The following GPATCH1 variants were observed in gnomAD, a reference collection of about 807,000 sequenced individuals.
The protein encoded by GPATCH1 is G-patch domain containing 1.
GPATCH1 carries 73 observed loss-of-function variants against 114.9 expected under a neutral mutation model. The ratio of observed to expected loss-of-function variants is 0.64; its 90% CI spans 0.53 to 0.77. The LOEUF (loss-of-function observed/expected upper bound fraction) is 0.77, where lower values mean the gene tolerates loss of function less well. Ranked by LOEUF, GPATCH1 falls within the 30% of genes least tolerant of loss-of-function variation. The pLI is 0.00. For missense variants in GPATCH1, 1,058 were observed against 1,144.3 expected, an observed-to-expected ratio of 0.92 and a Z score of 1.09; for synonymous variants, 391 against 428.4, an observed-to-expected ratio of 0.91 and a Z score of 1.08.
rs200567807 is a variant in GPATCH1, at chr19:33,110,993, A to ATT, written c.1586-730_1586-729dup. On this transcript the variant is annotated intron_variant, in intron 11 of 19. Coordinates refer to ENST00000170564, the MANE Select transcript of GPATCH1 (RefSeq NM_018025.3). ...AGATATATATGTATATATAAAATAT[A>ATT]TTATATATATATATACACACATCAT... is the stretch of plus-strand genomic sequence containing the variant. Among the ~76,000 whole-genome samples, 678 of 148,394 alleles carry ATT rather than the reference A, an allele frequency of 4.6e-3. 7 individuals carry two copies. Among genetic ancestry groups the ATT allele is most frequent in the African/African-American group, 0.016 (656 of 40,858 alleles).
At chr19:33,121,248 T>C (rs920119825) in intron 17 of GPATCH1, among the ~76,000 whole-genome samples, 1 of 151,510 alleles carries the variant, frequency 6.6e-6, no homozygotes, top group Non-Finnish European at 1.5e-5. Context: ...CCCACAGTGC[T>C]GGAATTACAA....
chr19:33,095,487 C>T (rs528799971), intron 5 of GPATCH1, among the ~76,000 whole-genome samples: 7 of 152,018 alleles, frequency 4.6e-5, no homozygotes, highest in African/African-American at 1.7e-4. Flanking sequence ...TGGTCTCCAA[C>T]TCCCGACCTT....
intron 1 of GPATCH1, 54 bp from the exon 2 acceptor site, chr19:33,088,080 C>A: frequency 9.4e-7 from 1 of 1,060,800 alleles, no homozygotes; most frequent in Non-Finnish European, 1.3e-6. Context: ...TAAATTTGAA[C>A]CGACCATCTC....
At chr19:33,124,626 C>G (rs1441208993) in intron 17 of GPATCH1, among the ~76,000 whole-genome samples, 1 of 152,154 alleles carries the variant, frequency 6.6e-6, no homozygotes, top group Non-Finnish European at 1.5e-5. Context: ...ATGGCCCTGT[C>G]TAGTCTAGTC....
chr19:33,101,449 C>T, intron 8 of GPATCH1, 46 bp from the exon 9 acceptor site: 1 of 1,042,602 alleles, frequency 9.6e-7, no homozygotes, highest in Middle Eastern at 2.0e-4. Context: ...CTGTCTTATT[C>T]TAATCATCTC....
chr19:33,127,246 C>T (rs979821912), intron 19 of GPATCH1, among the ~76,000 whole-genome samples: 29 of 151,992 alleles, frequency 1.9e-4, no homozygotes, highest in Admixed American at 1.4e-3. Flanking sequence ...AGGCCAGGCG[C>T]GGTGGCTCAT....
Position 33,088,947 on chromosome 19 carries a change from G to A in GPATCH1, c.208+679G>A, listed in dbSNP as rs1599850356. ...GCTGGGATTACAGGTGTGAGCCACT[G>A]CGCTCAGCTTTCTCTGAACATACAC... is the stretch of plus-strand genomic sequence containing the variant. On this transcript the variant is annotated intron_variant, in intron 2 of 19. Coordinates refer to ENST00000170564, the MANE Select transcript of GPATCH1 (RefSeq NM_018025.3). Among the ~76,000 whole-genome samples, 3 of 152,132 alleles carry A rather than the reference G, an allele frequency of 2.0e-5. No individual in the cohort carries two copies. The East Asian group carries it at 5.8e-4, about 29-fold the overall frequency.
At chr19:33,097,367 T>G (rs1453656517) in intron 7 of GPATCH1, among the ~76,000 whole-genome samples, 1 of 152,232 alleles carries the variant, frequency 6.6e-6, no homozygotes, top group Non-Finnish European at 1.5e-5. Flanking sequence ...CAGCGGCCCT[T>G]AGACCCCAGC....
intron 19 of GPATCH1, among the ~76,000 whole-genome samples, chr19:33,129,315 G>A (rs1277664848): frequency 6.6e-6 from 1 of 151,768 alleles, no homozygotes; most frequent in South Asian, 2.1e-4. Context: ...GCTCATGCCT[G>A]TAATCCCAAT....
intron 12 of GPATCH1, among the ~76,000 whole-genome samples, chr19:33,112,273 A>G (rs1199916412): frequency 2.0e-5 from 3 of 152,082 alleles, no homozygotes; most frequent in African/African-American, 4.8e-5. Context: ...GCCGAGCCAA[A>G]TATTTTTAAT....
At chr19:33,126,408 G>C (rs546935467) in intron 18 of GPATCH1, among the ~76,000 whole-genome samples, 180 bp from the exon 19 acceptor site, 1 of 152,302 alleles carries the variant, frequency 6.6e-6, no homozygotes, top group African/African-American at 2.4e-5. Context: ...GCGCAGTTGA[G>C]AGTGGCACAG....
chr19:33,119,095 G>A lies in GPATCH1; in HGVS notation c.2499G>A (p.Arg833=), dbSNP rs373451189. The A allele has an allele frequency of 7.1e-5, 115 of 1,609,214 alleles. No individual in the cohort carries two copies. Among genetic ancestry groups the A allele is most frequent in the Middle Eastern group, 1.6e-4 (1 of 6,068 alleles). The change falls in exon 17 of 20, where the codon CGG becomes CGA. Residue 833 remains arginine (R), a synonymous_variant. Transcript: ENST00000170564. ...QIDEREEFGP[R]LPPVFCPNAR... Reference sequence around the variant, plus strand: ...ATGAAAGAGAAGAGTTCGGCCCGCGGCTGCCTCCCGTCTTCTGCCCCAGTG... The same window carrying A: ...ATGAAAGAGAAGAGTTCGGCCCGCGACTGCCTCCCGTCTTCTGCCCCAGTG...
At chr19:33,094,051 T>C (rs1972627265) in intron 4 of GPATCH1, 121 bp from the exon 5 acceptor site, 1 of 645,484 alleles carries the variant, frequency 1.5e-6, no homozygotes, top group Non-Finnish European at 2.8e-6. Flanking sequence ...GTAATGTGGG[T>C]GAGGGCAAGG....
chr19:33,110,344 T>C (rs1378967549), intron 11 of GPATCH1, among the ~76,000 whole-genome samples: 4 of 152,186 alleles, frequency 2.6e-5, no homozygotes, highest in Non-Finnish European at 4.4e-5. Context: ...ATCAGCATCA[T>C]CTTCCACCTC....
chr19:33,106,561 T>C, intron 9 of GPATCH1, 134 bp from the exon 10 acceptor site: 2 of 687,370 alleles, frequency 2.9e-6, no homozygotes, highest in African/African-American at 3.6e-5. Context: ...AGCCTGTTCT[T>C]GTGCTACCTG....
chr19:33,100,152 T>C (rs1317164218), intron 8 of GPATCH1: 4 of 152,158 alleles, frequency 2.6e-5, no homozygotes, highest in Non-Finnish European at 5.9e-5. Context: ...TGTCTTTATG[T>C]ACATTTGTTT....
rs988962719 is a variant in GPATCH1, at chr19:33,117,926, C to T, written c.2298C>T (p.Ser766=). ...AIFASSSDEK[S]SSSEDEQGDS... is the part of the protein sequence containing the mutation. ...TTGCCAGTTCCTCAGATGAAAAGTC[C>T]TCATCCTCCGAGGATGAGCAAGGTG... Residue 766 remains serine (S), a synonymous_variant, in exon 16 of 20, where the codon TCC becomes TCT. Coordinates refer to ENST00000170564, the MANE Select transcript of GPATCH1 (RefSeq NM_018025.3). 8 of 1,613,776 alleles carry T rather than the reference C, an allele frequency of 5.0e-6. No individual in the cohort carries two copies. The highest frequency in any genetic ancestry group is 6.8e-6 in the Non-Finnish European group (8 of 1,179,918).
chr19:33,106,659 G>C, intron 9 of GPATCH1, 36 bp from the exon 10 acceptor site: 1 of 1,516,560 alleles, frequency 6.6e-7, no homozygotes, highest in Non-Finnish European at 9.1e-7. Flanking sequence ...TGATCTTGCA[G>C]CCTGTATTTT....
intron 15 of GPATCH1, among the ~76,000 whole-genome samples, chr19:33,116,032 TG>T (rs1972913126): frequency 6.6e-6 from 1 of 152,100 alleles, no homozygotes; most frequent in Non-Finnish European, 1.5e-5. Flanking sequence ...TTTTTTCTCT[TG>T]GTATTTTTTT....
Sources: allele counts gnomAD v4.1 joint callset (sites outside exome capture counted in the v4.1 genomes callset), GRCh38; gene constraint gnomAD v4.1.1; transcripts MANE v1.5; gene names NCBI Gene and HGNC (gene_info 2026-07-23, HGNC 2026-07-21).